The following RHBDD1 variants were observed in gnomAD, a reference collection of about 807,000 sequenced individuals.
RHBDD1 encodes the protein rhomboid-related protein 4.
RHBDD1 carries 38 observed loss-of-function variants against 36.3 expected under a neutral mutation model. That is an observed-to-expected ratio of 1.05 (90% confidence interval 0.81 to 1.37). The LOEUF (loss-of-function observed/expected upper bound fraction) is 1.37. RHBDD1 is among the 40% of genes most tolerant of loss of function. The pLI is 0.00. For missense variants in RHBDD1, 393 were observed against 377.6 expected (o/e 1.04, Z -0.34); for synonymous variants, 151 against 136.5 (o/e 1.11, Z -0.74).
intron 5 of RHBDD1, among the ~76,000 whole-genome samples, chr2:226,875,854 T>G (rs941980434): frequency 2.6e-5 from 4 of 152,246 alleles, no homozygotes; most frequent in Non-Finnish European, 4.4e-5. Flanking sequence ...GAAACAGGGC[T>G]TCCTGGTCAG....
Position 226,995,658 on chromosome 2 carries a change from C to T in RHBDD1, c.*136C>T, listed in dbSNP as rs1575611503. On this transcript the variant is annotated 3_prime_UTR_variant, in exon 9 of 9. Coordinates refer to ENST00000392062, the MANE Select transcript of RHBDD1 (RefSeq NM_001167608.3). The stretch of plus-strand genomic sequence containing the variant: ...GTATTGCTCCAGATCGCTCACATCA[C>T]CTGGGACAGTCCCATGGCCCCTATG... 1.5e-6 allele frequency: 1 copy of T among 672,570 alleles called. No individual in the cohort carries two copies. Among genetic ancestry groups the T allele is most frequent in the Non-Finnish European group, 2.7e-6 (1 of 375,334 alleles). 41.7% of individuals were successfully genotyped at this position (672,570 alleles called of 1,614,324 possible).
intron 8 of RHBDD1, among the ~76,000 whole-genome samples, chr2:226,929,606 C>A (rs1036299830): frequency 2.0e-5 from 3 of 151,944 alleles, no homozygotes; most frequent in African/African-American, 7.2e-5. Context: ...ATAAGGATGC[C>A]CGCTTTCACC....
In RHBDD1 at chr2:226,999,091, T is replaced by TAA. The variant is rs1960287911; in HGVS notation, c.*3571_*3572dup. ...TGCAATGAGAGAATGTCTTTGTCTT[T>TAA]AAATTGTAAGCTTCATGAGGGCAGG... is the stretch of plus-strand genomic sequence containing the variant. On this transcript the variant is annotated 3_prime_UTR_variant, in exon 9 of 9. Transcript: ENST00000392062. 1 of 152,282 alleles carries TAA rather than the reference T, an allele frequency of 6.6e-6. No individual in the cohort carries two copies. The highest frequency in any genetic ancestry group is 2.4e-5 in the African/African-American group (1 of 41,478). The allele number at this position is 152,282 out of a possible 1,614,324, so 9.4% of individuals were successfully genotyped here. A position where few individuals can be genotyped will look rare whatever the true frequency, so the allele number is the denominator to read the frequency against.
At chr2:226,824,550 T>C in the RHBDD1 span, among the ~76,000 whole-genome samples, 1 of 152,208 alleles carries the variant, frequency 6.6e-6, no homozygotes, top group Non-Finnish European at 1.5e-5. Flanking sequence ...TTATGTAAAG[T>C]GGAGCTATCT....
chr2:226,852,969 A>C (rs771869496), intron 3 of RHBDD1, among the ~76,000 whole-genome samples: 1 of 149,216 alleles, frequency 6.7e-6, no homozygotes, highest in Non-Finnish European at 1.5e-5. Flanking sequence ...AGGTCTTGCT[A>C]TGTTTTCCAG....
chr2:226,848,031 C>T (rs1942408912), intron 3 of RHBDD1, among the ~76,000 whole-genome samples: 1 of 152,140 alleles, frequency 6.6e-6, no homozygotes, highest in South Asian at 2.1e-4. Context: ...TGTTCCTCAG[C>T]TTCTCTATTT....
rs919961255 is a variant in RHBDD1, at chr2:226,848,536, A to G, written c.-91+8909A>G. Among the ~76,000 whole-genome samples, 61 of 152,196 alleles carry G rather than the reference A, an allele frequency of 4.0e-4. 1 individual carries two copies. The highest frequency in any genetic ancestry group is 8.2e-4 in the Non-Finnish European group (56 of 68,044). Reference sequence around the variant, plus strand: ...AAAAAGCTGGACAAACTGAAAATCAAATACTTTTCTTAGGTCCCTCAGATA... The same window carrying G: ...AAAAAGCTGGACAAACTGAAAATCAGATACTTTTCTTAGGTCCCTCAGATA... On this transcript the variant is annotated intron_variant, in intron 3 of 8. Transcript: ENST00000392062.
chr2:226,891,817 G>A (rs1369962282), intron 5 of RHBDD1, among the ~76,000 whole-genome samples: 1 of 152,226 alleles, frequency 6.6e-6, no homozygotes, highest in Non-Finnish European at 1.5e-5. Context: ...CTGAAGACCT[G>A]GGCTGGAAGA....
chr2:226,970,965 C>T (rs1917122), intron 8 of RHBDD1, among the ~76,000 whole-genome samples: 65,582 of 152,066 alleles, frequency 0.43, 14,236 homozygotes, highest in South Asian at 0.52. Context: ...CTATCTGTCC[C>T]ACAGATCCCG....
rs573309295 is a variant in RHBDD1, at chr2:226,844,635, A to G, written c.-91+5008A>G. Among the ~76,000 whole-genome samples, 335 of 152,328 alleles carry G rather than the reference A, an allele frequency of 2.2e-3. 2 individuals carry two copies. The highest frequency in any genetic ancestry group is 7.5e-3 in the African/African-American group (312 of 41,568). ...AATCTGGTGCAGAGTAAACCTGAAT[A>G]TGGAACTACTTAAATCCTGTTGAAG... On this transcript the variant is annotated intron_variant, in intron 3 of 8. Coordinates refer to ENST00000392062, the MANE Select transcript of RHBDD1 (RefSeq NM_001167608.3).
At chr2:226,904,083 G>A (rs979977338) in intron 5 of RHBDD1, among the ~76,000 whole-genome samples, 2 of 152,166 alleles carry the variant, frequency 1.3e-5, no homozygotes, top group African/African-American at 4.8e-5. Flanking sequence ...CGTGTGATCT[G>A]ATTTTTCCTG....
At chr2:226,929,035 C>T (rs569612275) in intron 8 of RHBDD1, among the ~76,000 whole-genome samples, 12 of 152,080 alleles carry the variant, frequency 7.9e-5, no homozygotes, top group East Asian at 5.8e-4. Context: ...AAAAAAAACC[C>T]AGTGCCAGAC....
At chr2:226,856,004 G>A (rs1025771025) in intron 3 of RHBDD1, among the ~76,000 whole-genome samples, 10 of 151,924 alleles carry the variant, frequency 6.6e-5, no homozygotes, top group East Asian at 1.9e-4. Context: ...TTAGATAGCC[G>A]GAAAAAAATG....
At chr2:226,822,415 A>G in the RHBDD1 span, among the ~76,000 whole-genome samples, 1 of 152,096 alleles carries the variant, frequency 6.6e-6, no homozygotes, top group Non-Finnish European at 1.5e-5. Context: ...CGGGTGGATC[A>G]CCTAAGGTCA....
chr2:226,843,773 A>T (rs1407688831), intron 3 of RHBDD1, among the ~76,000 whole-genome samples: 1 of 152,186 alleles, frequency 6.6e-6, no homozygotes, highest in African/African-American at 2.4e-5. Flanking sequence ...TATCAGCATA[A>T]TGCTGGCTTC....
chr2:226,893,989 G>A (rs1236149378), intron 5 of RHBDD1, among the ~76,000 whole-genome samples: 1 of 152,178 alleles, frequency 6.6e-6, no homozygotes, highest in African/African-American at 2.4e-5. Context: ...AACATACAGT[G>A]ACTTTTCCAG....
intron 8 of RHBDD1, among the ~76,000 whole-genome samples, chr2:226,920,094 TTG>T (rs1364610784): frequency 6.6e-6 from 1 of 151,734 alleles, no homozygotes; most frequent in Non-Finnish European, 1.5e-5. Context: ...TTTTAAATAT[TTG>T]TATTTAAATA....
In RHBDD1 at chr2:226,847,226, G is replaced by A. The variant is rs115622637; in HGVS notation, c.-91+7599G>A. Among the ~76,000 whole-genome samples, 788 of 152,210 alleles carry A rather than the reference G, an allele frequency of 5.2e-3. 5 individuals carry two copies. Among genetic ancestry groups the A allele is most frequent in the Non-Finnish European group, 9.1e-3 (616 of 68,030 alleles). ...AGCAAATTTTTTCATTTCAAAACAA[G>A]CATTATAGTGGAGCAGAATGGAGCA... On this transcript the variant is annotated intron_variant, in intron 3 of 8. Transcript: ENST00000392062.
At chr2:226,847,372 C>T (rs1942333093) in intron 3 of RHBDD1, among the ~76,000 whole-genome samples, 1 of 152,118 alleles carries the variant, frequency 6.6e-6, no homozygotes, top group African/African-American at 2.4e-5. Flanking sequence ...TCTTTCAAAG[C>T]CTGGCTGGGG....
Sources: allele counts gnomAD v4.1 joint callset (sites outside exome capture counted in the v4.1 genomes callset), GRCh38; gene constraint gnomAD v4.1.1; transcripts MANE v1.5; gene names NCBI Gene and HGNC (gene_info 2026-07-23, HGNC 2026-07-21).